The following DACH2 variants were observed in gnomAD, a reference collection of about 807,000 sequenced individuals.
DACH2 encodes the protein dachshund family transcription factor 2, also known as dachshund homolog 2.
Under a neutral mutation model 35.8 loss-of-function variants are expected in DACH2, and 17 were observed. The ratio of observed to expected loss-of-function variants is 0.48; its 90% CI spans 0.33 to 0.71. The LOEUF is 0.71. DACH2 is among the 30% of genes least tolerant of loss of function. The pLI is 0.02. For missense variants in DACH2, 469 were observed against 472.7 expected (o/e 0.99, Z 0.07); for synonymous variants, 195 against 177.3 (o/e 1.10, Z -0.79).
intron 4 of DACH2, among the ~76,000 whole-genome samples, chrX:86,667,623 A>AGGCC (rs1556364435): frequency 2.7e-5 from 3 of 109,898 alleles, no homozygotes; most frequent in East Asian, 2.9e-4. Flanking sequence ...AAAGGCAGGC[A>AGGCC]GGCCCTGGTC....
intron 2 of DACH2, among the ~76,000 whole-genome samples, chrX:86,383,170 T>C (rs1396273532): frequency 9.0e-6 from 1 of 110,594 alleles, no homozygotes; most frequent in Admixed American, 9.7e-5. Flanking sequence ...TCAAAATCTT[T>C]AATACAGTTT....
At chrX:86,663,765 G>A (rs2040634498) in intron 4 of DACH2, among the ~76,000 whole-genome samples, 1 of 111,626 alleles carries the variant, frequency 9.0e-6, no homozygotes, top group African/African-American at 3.2e-5. Flanking sequence ...TTGACACCAT[G>A]TCCGCTTAAC....
intron 3 of DACH2, among the ~76,000 whole-genome samples, chrX:86,533,217 A>AT (rs2038749866): frequency 9.0e-6 from 1 of 110,645 alleles, no homozygotes; most frequent in African/African-American, 3.3e-5. Flanking sequence ...GCATGGCTAA[A>AT]TTTTTTGTGT....
intron 2 of DACH2, among the ~76,000 whole-genome samples, chrX:86,456,701 C>T (rs1008875231): frequency 9.1e-6 from 1 of 109,551 alleles, no homozygotes; most frequent in Non-Finnish European, 1.9e-5. Context: ...TGACCTATAT[C>T]ATTTTCTTTC....
intron 1 of DACH2, among the ~76,000 whole-genome samples, chrX:86,372,450 G>A (rs961709099): frequency 2.7e-5 from 3 of 110,201 alleles, no homozygotes; most frequent in Non-Finnish European, 5.7e-5. Flanking sequence ...ATTCTGCCTG[G>A]GACCTTGGAA....
chrX:86,564,019 A>G (rs962138073), intron 3 of DACH2, among the ~76,000 whole-genome samples: 35 of 110,975 alleles, frequency 3.2e-4, no homozygotes, highest in African/African-American at 1.1e-3. Context: ...ACATCAATAT[A>G]TACTTCTCAC....
chrX:86,450,305 T>C (rs1033482452), intron 2 of DACH2, among the ~76,000 whole-genome samples: 3 of 111,297 alleles, frequency 2.7e-5, no homozygotes, highest in Admixed American at 9.6e-5. Flanking sequence ...CTCCCACTTA[T>C]AAGTGAGAAC....
intron 1 of DACH2, among the ~76,000 whole-genome samples, chrX:86,153,386 A>T (rs2030434288): frequency 9.0e-6 from 1 of 111,561 alleles, no homozygotes; most frequent in South Asian, 3.7e-4. Flanking sequence ...CTATTTTCAA[A>T]TACTAGAAAT....
intron 4 of DACH2, among the ~76,000 whole-genome samples, chrX:86,652,891 C>T (rs2040493769): frequency 8.9e-6 from 1 of 111,887 alleles, no homozygotes; most frequent in Non-Finnish European, 1.9e-5. Context: ...TGCCTTCTTA[C>T]TCTGTTGATA....
At chrX:86,421,752 T>A (rs1432899527) in intron 2 of DACH2, among the ~76,000 whole-genome samples, 1 of 111,481 alleles carries the variant, frequency 9.0e-6, no homozygotes, top group Non-Finnish European at 1.9e-5. Flanking sequence ...ATAAAAATGA[T>A]TATATTGTTG....
chrX:86,763,466 T>A (rs748047586), intron 7 of DACH2, among the ~76,000 whole-genome samples: 3 of 112,394 alleles, frequency 2.7e-5, no homozygotes, highest in Non-Finnish European at 5.6e-5. Flanking sequence ...TTTTTTGTTT[T>A]GTTTTGAGAC....
intron 5 of DACH2, among the ~76,000 whole-genome samples, chrX:86,698,521 G>GTGTTTTTTTTTTTTTTTTT (rs2041096546): frequency 3.0e-5 from 1 of 32,957 alleles, no homozygotes; most frequent in Non-Finnish European, 4.7e-5. Context: ...TTAGTTTTGT[G>GTGTTTTTTTTTTTTTTTTT]TTTTTTTTTT....
chrX:86,547,591 C>T (rs1333707997), intron 3 of DACH2, among the ~76,000 whole-genome samples: 2 of 108,912 alleles, frequency 1.8e-5, no homozygotes, highest in Non-Finnish European at 3.8e-5. Flanking sequence ...TAGTGAAACA[C>T]ATTATAGAAA....
At chrX:86,426,467 C>T (rs1325430319) in intron 2 of DACH2, among the ~76,000 whole-genome samples, 2 of 111,529 alleles carry the variant, frequency 1.8e-5, no homozygotes, top group Non-Finnish European at 3.8e-5. Context: ...GCTACAATTA[C>T]CAAAGAAAGT....
chrX:86,799,196 A>G, intron 7 of DACH2: 1 of 258,333 alleles, frequency 3.9e-6, no homozygotes, highest in Non-Finnish European at 7.6e-6. Flanking sequence ...TTGAAACTGA[A>G]GGCACTTTCC....
At chrX:86,349,040 C>A (rs1469028397) in intron 1 of DACH2, among the ~76,000 whole-genome samples, 2 of 112,512 alleles carry the variant, frequency 1.8e-5, no homozygotes, top group Non-Finnish European at 3.8e-5. Context: ...TCAATTAGAC[C>A]CTCTGCCTTA....
At position 86,546,503 on chromosome X, in the gene DACH2, C is replaced by CTTT. The variant is rs35560036; in HGVS notation, c.640+32129_640+32131dup. On this transcript the variant is annotated intron_variant, in intron 3 of 11. Transcript: ENST00000373125. ...CTTCTTCCTCTTCTTCTTCTTCTTT[C>CTTT]TTTTTTTTTTTTTTTTTTTAAGACA... 9.7e-3 allele frequency among the ~76,000 whole-genome samples: 678 copies of CTTT among 69,790 alleles called. 36 individuals carry two copies. Among genetic ancestry groups the CTTT allele is most frequent in the African/African-American group, 0.04 (651 of 16,363 alleles). 60.6% of individuals were successfully genotyped at this position (69,790 alleles called of 115,157 possible).
At chrX:86,270,711 G>A (rs557658713) in intron 1 of DACH2, among the ~76,000 whole-genome samples, 1 of 111,295 alleles carries the variant, frequency 9.0e-6, no homozygotes, top group Admixed American at 9.6e-5. Context: ...ATTTATAATT[G>A]CTCTTGCCAA....
intron 2 of DACH2, among the ~76,000 whole-genome samples, chrX:86,392,007 A>T (rs916802068): frequency 9.0e-6 from 1 of 110,875 alleles, no homozygotes; most frequent in Non-Finnish European, 1.9e-5. Context: ...AAGTTCTGAG[A>T]TACATGTGCA....
Sources: allele counts gnomAD v4.1 joint callset (sites outside exome capture counted in the v4.1 genomes callset), GRCh38; gene constraint gnomAD v4.1.1; transcripts MANE v1.5; gene names NCBI Gene and HGNC (gene_info 2026-07-23, HGNC 2026-07-21).